The following PDE4D variants were observed in gnomAD, a reference collection of about 807,000 sequenced individuals.
PDE4D encodes the protein 3',5'-cyclic-AMP phosphodiesterase 4D.
A neutral mutation model predicts 87.4 loss-of-function variants in PDE4D; 24 were observed. The ratio of observed to expected loss-of-function variants is 0.27; its 90% CI spans 0.20 to 0.39. The LOEUF (loss-of-function observed/expected upper bound fraction) is 0.39. Among genes scored for constraint, PDE4D ranks in the 10% least tolerant of loss-of-function variants. PDE4D has a pLI of 1.00. For synonymous variants in PDE4D, 384 were observed against 383.2 expected (o/e 1.00, Z -0.02); for missense variants, 714 against 1,041.0 (o/e 0.69, Z 4.32).
intron 1 of PDE4D, among the ~76,000 whole-genome samples, chr5:59,252,169 T>G (rs1173187782): frequency 6.6e-6 from 1 of 152,142 alleles, no homozygotes; most frequent in African/African-American, 2.4e-5. Context: ...CCCCCAAACC[T>G]AAAATAAAAA....
At chr5:59,750,090 T>C (rs1760206927) in intron 1 of PDE4D, among the ~76,000 whole-genome samples, 1 of 151,402 alleles carries the variant, frequency 6.6e-6, no homozygotes, top group Non-Finnish European at 1.5e-5. Flanking sequence ...TGACCTTTTT[T>C]TTTTTTTTTT....
chr5:59,749,259 G>A (rs2150715518), intron 1 of PDE4D, among the ~76,000 whole-genome samples: 1 of 152,064 alleles, frequency 6.6e-6, no homozygotes. Context: ...CTTTTCTGTT[G>A]TTGTTGTTTC....
intron 1 of PDE4D, among the ~76,000 whole-genome samples, chr5:59,609,377 T>TACACACAC (rs61116888): frequency 0.011 from 1,628 of 147,682 alleles, 29 homozygotes; most frequent in African/African-American, 0.034. Flanking sequence ...TTTGTATATG[T>TACACACAC]ACACACACAC....
intron 1 of PDE4D, among the ~76,000 whole-genome samples, chr5:59,568,108 T>C (rs1483045740): frequency 6.6e-6 from 1 of 152,162 alleles, no homozygotes; most frequent in African/African-American, 2.4e-5. Flanking sequence ...AGTTATATTG[T>C]TGATAAGCCT....
intron 1 of PDE4D, among the ~76,000 whole-genome samples, chr5:59,486,006 C>T (rs959433503): frequency 6.6e-6 from 1 of 151,992 alleles, no homozygotes; most frequent in African/African-American, 2.4e-5. Flanking sequence ...TTTTCACCTC[C>T]CTCCTCATGA....
At chr5:59,449,820 C>T (rs888201980) in intron 1 of PDE4D, among the ~76,000 whole-genome samples, 1 of 151,988 alleles carries the variant, frequency 6.6e-6, no homozygotes, top group African/African-American at 2.4e-5. Flanking sequence ...TTCCCAATCT[C>T]CACTACAAAA....
At chr5:59,480,544 G>A (rs1286938844) in intron 1 of PDE4D, among the ~76,000 whole-genome samples, 1 of 152,046 alleles carries the variant, frequency 6.6e-6, no homozygotes, top group African/African-American at 2.4e-5. Flanking sequence ...CTTCATTCAC[G>A]ATGGGCACTG....
At chr5:60,120,964 C>A (rs1778624266) in intron 2 of PDE4D, among the ~76,000 whole-genome samples, 1 of 152,192 alleles carries the variant, frequency 6.6e-6, no homozygotes, top group South Asian at 2.1e-4. Context: ...TAATCAGCTA[C>A]CAGCACAGCT....
At chr5:59,281,493 A>G (rs1443152337) in intron 1 of PDE4D, among the ~76,000 whole-genome samples, 1 of 152,198 alleles carries the variant, frequency 6.6e-6, no homozygotes, top group Non-Finnish European at 1.5e-5. Flanking sequence ...TTTATTTATC[A>G]AATGACTATA....
At chr5:59,771,810 A>C (rs1763616968) in intron 1 of PDE4D, among the ~76,000 whole-genome samples, 1 of 152,232 alleles carries the variant, frequency 6.6e-6, no homozygotes, top group Admixed American at 6.5e-5. Flanking sequence ...AACATGGACA[A>C]AAGCATTCTG....
chr5:60,293,099 C>CA (rs1562295280), intron 1 of PDE4D, among the ~76,000 whole-genome samples: 1 of 151,654 alleles, frequency 6.6e-6, no homozygotes, highest in East Asian at 1.9e-4. Flanking sequence ...TCTGCCCCCC[C>CA]AAGTTCAAGC....
chr5:59,495,830 G>A (rs1807084918), intron 1 of PDE4D, among the ~76,000 whole-genome samples: 1 of 152,168 alleles, frequency 6.6e-6, no homozygotes, highest in African/African-American at 2.4e-5. Flanking sequence ...GAGCATGCAG[G>A]TTGTGGGGGT....
At chr5:60,266,256 A>G (rs188520979) in intron 1 of PDE4D, among the ~76,000 whole-genome samples, 9 of 152,314 alleles carry the variant, frequency 5.9e-5, no homozygotes, top group Non-Finnish European at 1.3e-4. Flanking sequence ...AAGAAGTGCA[A>G]ACAGTTTGCT....
At chr5:60,297,836 C>T (rs1396814732) in intron 1 of PDE4D, among the ~76,000 whole-genome samples, 2 of 152,126 alleles carry the variant, frequency 1.3e-5, no homozygotes, top group Non-Finnish European at 2.9e-5. Context: ...TCTTTGCATG[C>T]TTAATTTAGC....
chr5:60,248,087 G>A (rs1477836107), intron 1 of PDE4D, among the ~76,000 whole-genome samples: 1 of 152,042 alleles, frequency 6.6e-6, no homozygotes, highest in African/African-American at 2.4e-5. Context: ...GGTGCTACGT[G>A]CTGTGAAGAA....
chr5:60,212,902 TTTTGTTCTTCTTTGG>T (rs1743412256), intron 1 of PDE4D, among the ~76,000 whole-genome samples: 1 of 152,212 alleles, frequency 6.6e-6, no homozygotes, highest in Admixed American at 6.5e-5. Context: ...CTTCCTAAAC[TTTTGTTCTTCTTTGG>T]TTGCCATAAT....
chr5:59,926,079 A>G (rs893996905), intron 3 of PDE4D, among the ~76,000 whole-genome samples: 1 of 152,174 alleles, frequency 6.6e-6, no homozygotes, highest in Non-Finnish European at 1.5e-5. Context: ...TTTCCTCAGC[A>G]CATGAATCAG....
chr5:59,524,935 G>C (rs1417105150), intron 1 of PDE4D, among the ~76,000 whole-genome samples: 1 of 152,262 alleles, frequency 6.6e-6, no homozygotes, highest in Admixed American at 6.5e-5. Context: ...CTAGATTTCA[G>C]AGGATGTATG....
At chr5:59,572,507 G>C (rs1822022935) in intron 1 of PDE4D, among the ~76,000 whole-genome samples, 1 of 152,106 alleles carries the variant, frequency 6.6e-6, no homozygotes, top group Non-Finnish European at 1.5e-5. Flanking sequence ...TTGAGACGGA[G>C]TCTTGCTCTT....
Sources: gnomAD v4.1 joint callset for allele counts (sites outside exome capture counted in the v4.1 genomes callset) on GRCh38, gnomAD v4.1.1 for gene constraint, MANE v1.5 for transcripts, NCBI Gene and HGNC (gene_info 2026-07-23, HGNC 2026-07-21) for gene names.